The following PRDM16 variants were observed in gnomAD, a reference collection of about 807,000 sequenced individuals.
PRDM16 encodes histone-lysine N-methyltransferase PRDM16.
PRDM16 carries 23 observed loss-of-function variants against 110.6 expected under a neutral mutation model. That is an observed-to-expected ratio of 0.21 (90% CI 0.15 to 0.29). The LOEUF (loss-of-function observed/expected upper bound fraction) is 0.29, where lower values mean the gene tolerates loss of function less well. PRDM16 is among the 10% of genes least tolerant of loss of function. The pLI is 1.00. For missense variants in PRDM16, 1,615 were observed against 1,794.3 expected (o/e 0.90, Z 1.81); for synonymous variants, 799 against 781.8 (o/e 1.02, Z -0.37).
At chr1:3,421,439 C>G (rs547696346) in intron 12 of PRDM16, among the ~76,000 whole-genome samples, 3 of 152,196 alleles carry the variant, frequency 2.0e-5, no homozygotes, top group African/African-American at 7.2e-5. Flanking sequence ...TGTTATTTTA[C>G]GCAGTGAGAC....
chr1:3,264,226 C>T (rs1292090731), intron 3 of PRDM16, among the ~76,000 whole-genome samples: 2 of 152,194 alleles, frequency 1.3e-5, no homozygotes, highest in African/African-American at 2.4e-5. Context: ...GGCCTCTCTG[C>T]GGAGGGGCCT....
intron 3 of PRDM16, among the ~76,000 whole-genome samples, chr1:3,250,767 G>A (rs1639912254): frequency 6.6e-6 from 1 of 152,206 alleles, no homozygotes; most frequent in African/African-American, 2.4e-5. Context: ...GCACATGGGG[G>A]GACGTGAGAG....
chr1:3,356,032 A>G (rs1444604662), intron 3 of PRDM16, among the ~76,000 whole-genome samples: 1 of 152,158 alleles, frequency 6.6e-6, no homozygotes, highest in African/African-American at 2.4e-5. Context: ...CCCCTCCGTG[A>G]CAGGTGATGG....
At chr1:3,115,231 A>T (rs955597095) in intron 1 of PRDM16, among the ~76,000 whole-genome samples, 2 of 152,192 alleles carry the variant, frequency 1.3e-5, no homozygotes, top group East Asian at 3.9e-4. Context: ...ATTGGAGTTC[A>T]TGAGACCCTC....
intron 3 of PRDM16, among the ~76,000 whole-genome samples, chr1:3,328,378 T>C: frequency 6.6e-6 from 1 of 152,218 alleles, no homozygotes; most frequent in East Asian, 1.9e-4. Context: ...AGCTATCTCC[T>C]TGGTCGTGGG....
chr1:3,229,334 G>A (rs1375533536), intron 2 of PRDM16, among the ~76,000 whole-genome samples: 1 of 152,180 alleles, frequency 6.6e-6, no homozygotes, highest in East Asian at 1.9e-4. Flanking sequence ...CGGGCAAGAG[G>A]TGCCCACACC....
At chr1:3,099,831 C>A (rs1642491188) in intron 1 of PRDM16, among the ~76,000 whole-genome samples, 1 of 152,210 alleles carries the variant, frequency 6.6e-6, no homozygotes, top group Non-Finnish European at 1.5e-5. Flanking sequence ...GAAGAGTGAA[C>A]CGTCGTGGGA....
At chr1:3,254,836 C>G (rs1485568970) in intron 3 of PRDM16, among the ~76,000 whole-genome samples, 15 of 152,090 alleles carry the variant, frequency 9.9e-5, no homozygotes, top group Admixed American at 9.2e-4. Context: ...CAAAAAAGAG[C>G]CCGCATCTCC....
At chr1:3,173,382 G>A (rs773093653) in intron 1 of PRDM16, among the ~76,000 whole-genome samples, 1 of 152,198 alleles carries the variant, frequency 6.6e-6, no homozygotes, top group African/African-American at 2.4e-5. Flanking sequence ...TACAGGATGC[G>A]GGCTCTGAAA....
Position 3,409,716 on chromosome 1 carries a change from T to G in PRDM16, c.1187-1668T>G, listed in dbSNP as rs576170488. On this transcript the variant is annotated intron_variant, in intron 8 of 16. Coordinates refer to ENST00000270722, the MANE Select transcript of PRDM16 (RefSeq NM_022114.4). ...TGTGGTGTATGTGCATGTGTGTGGT[T>G]TGTGTGGTGTGTGTAGTGTGGGTGT... Among the ~76,000 whole-genome samples the G allele has an allele frequency of 2.5e-4, 35 of 140,798 alleles. 1 individual carries two copies. The South Asian group carries it at 7.9e-3, about 32-fold the overall frequency. The allele number at this position is 140,798 out of a possible 152,430, so 92.4% of individuals were successfully genotyped here.
intron 2 of PRDM16, among the ~76,000 whole-genome samples, chr1:3,240,574 G>A (rs1200410393): frequency 6.6e-6 from 1 of 152,200 alleles, no homozygotes; most frequent in Non-Finnish European, 1.5e-5. Context: ...ACCTCCCGCT[G>A]GTATGGAAGC....
intron 2 of PRDM16, among the ~76,000 whole-genome samples, chr1:3,191,812 GGGC>G (rs1638314880): frequency 6.6e-6 from 1 of 152,148 alleles, no homozygotes; most frequent in African/African-American, 2.4e-5. Context: ...CAGTGCTATG[GGGC>G]TTCAGTCTCC....
chr1:3,402,744 G>T, intron 5 of PRDM16, 47 bp from the exon 6 acceptor site: 2 of 1,559,040 alleles, frequency 1.3e-6, no homozygotes, highest in Non-Finnish European at 1.8e-6. Flanking sequence ...ATAGCCCTGG[G>T]CTGGGTCTCC....
intron 14 of PRDM16, among the ~76,000 whole-genome samples, chr1:3,427,960 C>A (rs1198231197): frequency 1.3e-5 from 2 of 152,174 alleles, no homozygotes; most frequent in Non-Finnish European, 2.9e-5. Context: ...CCCATGAGCG[C>A]CACAGGCCAG....
intron 3 of PRDM16, among the ~76,000 whole-genome samples, chr1:3,295,789 G>A (rs1319949429): frequency 3.9e-5 from 6 of 152,144 alleles, no homozygotes; most frequent in Non-Finnish European, 7.4e-5. Flanking sequence ...GACACCACGC[G>A]TGCAGCCTGA....
chr1:3,365,578 G>A (rs1642794879), intron 3 of PRDM16, among the ~76,000 whole-genome samples: 1 of 152,204 alleles, frequency 6.6e-6, no homozygotes, highest in Admixed American at 6.5e-5. Context: ...CCCAGAGTCA[G>A]CCAACAGACA....
chr1:3,291,997 A>G (rs1217430013), intron 3 of PRDM16, among the ~76,000 whole-genome samples: 1 of 152,176 alleles, frequency 6.6e-6, no homozygotes, highest in Admixed American at 6.5e-5. Flanking sequence ...TGGCACCCTC[A>G]AGATGCCTTT....
At position 3,197,531 on chromosome 1, in the gene PRDM16, C is replaced by T. The variant is rs377027472; in HGVS notation, c.387+11057C>T. ...CAGTGCGGTCCCTGCAAGGCTGTGCCGGGATCAGCTTTGTGCTGCCAGGCG... is the reference window on the plus strand; with the variant it reads ...CAGTGCGGTCCCTGCAAGGCTGTGCTGGGATCAGCTTTGTGCTGCCAGGCG... On this transcript the variant is annotated intron_variant, in intron 2 of 16. Transcript: ENST00000270722. 4.6e-5 allele frequency among the ~76,000 whole-genome samples: 7 copies of T among 152,372 alleles called. 1 individual carries two copies. Among genetic ancestry groups the T allele is most frequent in the South Asian group, 2.1e-4 (1 of 4,834 alleles).
intron 1 of PRDM16, among the ~76,000 whole-genome samples, chr1:3,172,189 G>A (rs760319172): frequency 3.9e-5 from 6 of 152,162 alleles, no homozygotes; most frequent in African/African-American, 1.2e-4. Context: ...GGCTCTGAAC[G>A]TCCCCCACGG....
Sources: gnomAD v4.1 joint callset for allele counts (sites outside exome capture counted in the v4.1 genomes callset) on GRCh38, gnomAD v4.1.1 for gene constraint, MANE v1.5 for transcripts, NCBI Gene and HGNC (gene_info 2026-07-23, HGNC 2026-07-21) for gene names.